The following WNT7A variants were observed in gnomAD, a reference collection of about 807,000 sequenced individuals.
The protein encoded by WNT7A is Wnt family member 7A, also known as protein Wnt-7a.
Under a neutral mutation model 28.2 loss-of-function variants are expected in WNT7A, and 16 were observed. The ratio of observed to expected loss-of-function variants is 0.57; its 90% confidence interval spans 0.38 to 0.86. WNT7A has a LOEUF of 0.86. Ranked by LOEUF, WNT7A falls within the 40% of genes least tolerant of loss-of-function variation. The pLI is 0.00. For synonymous variants in WNT7A, 190 were observed against 195.9 expected, an observed-to-expected ratio of 0.97 and a Z score of 0.25; for missense variants, 411 against 489.7, an observed-to-expected ratio of 0.84 and a Z score of 1.52.
At chr3:13,838,709 G>C (rs922304075) in intron 3 of WNT7A, among the ~76,000 whole-genome samples, 1 of 152,206 alleles carries the variant, frequency 6.6e-6, no homozygotes, top group Admixed American at 6.5e-5. Context: ...TAGGGACCCA[G>C]AGAGTAAAGC....
At chr3:13,867,406 G>C (rs559852095) in intron 2 of WNT7A, among the ~76,000 whole-genome samples, 65 of 152,104 alleles carry the variant, frequency 4.3e-4, no homozygotes, top group Non-Finnish European at 7.4e-4. Context: ...CTCTAGCAAG[G>C]GGGGACTCAC....
intron 2 of WNT7A, among the ~76,000 whole-genome samples, chr3:13,858,580 C>T (rs1223555124): frequency 6.6e-6 from 1 of 152,174 alleles, no homozygotes. Flanking sequence ...CCCCCCCGAG[C>T]TCCAGATGGA....
rs1694068443 is a variant in WNT7A, at chr3:13,819,141, C to T, written c.853G>A (p.Gly285Ser). Residue 285 changes from glycine to serine, a missense_variant, in exon 4 of 4, where the codon GGC becomes AGC. Physicochemically the swap from Gly to Ser is moderately conservative, Grantham distance 56 (BLOSUM62 0). Coordinates refer to ENST00000285018, the MANE Select transcript of WNT7A (RefSeq NM_004625.4). Reference protein sequence around the residue: ...PNYCEEDPVTGSVGTQGRACN... With the variant: ...PNYCEEDPVTSSVGTQGRACN... Reference sequence around the variant, plus strand: ...GCGCGGCCCTGGGTGCCCACACTGCCGGTCACCGGGTCCTCCTCGCAGTAG... The same window carrying T: ...GCGCGGCCCTGGGTGCCCACACTGCTGGTCACCGGGTCCTCCTCGCAGTAG... 6.2e-7 allele frequency: 1 copy of T among 1,614,196 alleles called. No homozygotes were observed. The highest frequency in any genetic ancestry group is 1.3e-5 in the African/African-American group (1 of 75,052).
rs371805038 is a variant in WNT7A, at chr3:13,875,718, G to GA, written c.72-546dup. On this transcript the variant is annotated intron_variant, in intron 1 of 3. Coordinates refer to ENST00000285018, the MANE Select transcript of WNT7A (RefSeq NM_004625.4). ...CATGTATGTATATGTTTTATTGTTG[G>GA]AAAAAAAACTTAAAAAGTAATTGTA... Among the ~76,000 whole-genome samples, 165 of 151,830 alleles carry GA rather than the reference G, an allele frequency of 1.1e-3. 2 individuals are homozygous for GA. The highest frequency in any genetic ancestry group is 7.9e-3 in the East Asian group (41 of 5,166).
chr3:13,820,421 C>G (rs746240291), intron 3 of WNT7A, among the ~76,000 whole-genome samples: 4 of 150,444 alleles, frequency 2.7e-5, no homozygotes, highest in South Asian at 4.2e-4. Flanking sequence ...AAAAAAAAAG[C>G]CTTGAGGCTA....
rs1202552695 is a variant in WNT7A at position 13,816,487 on chromosome 3, AC to A, written c.*2456del. On this transcript the variant is annotated 3_prime_UTR_variant, in exon 4 of 4. Coordinates refer to ENST00000285018, the MANE Select transcript of WNT7A (RefSeq NM_004625.4). The stretch of plus-strand genomic sequence containing the variant: ...ACTGTGTTTATGTAACTATCATTGA[AC>A]ACTCATCTGGGGAGGCTGGTCAGAA... The A allele has an allele frequency of 6.6e-6, 1 of 152,382 alleles. No individual in the cohort carries two copies. The highest frequency in any genetic ancestry group is 6.5e-5 in the Admixed American group (1 of 15,272). The allele number at this position is 152,382 out of a possible 1,614,324, so 9.4% of individuals were successfully genotyped here.
rs936656435 is a variant in WNT7A, at chr3:13,817,405, G to T, written c.*1539C>A. On this transcript the variant is annotated 3_prime_UTR_variant, in exon 4 of 4. Coordinates refer to ENST00000285018, the MANE Select transcript of WNT7A (RefSeq NM_004625.4). ...CGCAAAGTCACGTGACTACACTCAA[G>T]TCCCTAAGAAGATACAGTACACACA... 6.7e-6 allele frequency: 1 copy of T among 148,368 alleles called. No homozygotes were observed. Among genetic ancestry groups the T allele is most frequent in the Non-Finnish European group, 1.5e-5 (1 of 67,730 alleles). 9.2% of individuals were successfully genotyped at this position (148,368 alleles called of 1,614,324 possible).
chr3:13,830,616 G>A (rs530255159), intron 3 of WNT7A, among the ~76,000 whole-genome samples: 1 of 152,156 alleles, frequency 6.6e-6, no homozygotes, highest in East Asian at 1.9e-4. Flanking sequence ...GAAGATACAG[G>A]CAGGACTTTT....
At chr3:13,879,638 A>G in intron 1 of WNT7A, 108 bp downstream of exon 1, 1 of 1,271,992 alleles carries the variant, frequency 7.9e-7, no homozygotes, top group Non-Finnish European at 1.1e-6. Context: ...GGCCTCTCAG[A>G]GAAGCTGTGG....
chr3:13,834,493 G>T (rs2124839073), intron 3 of WNT7A, among the ~76,000 whole-genome samples: 1 of 152,098 alleles, frequency 6.6e-6, no homozygotes, highest in East Asian at 1.9e-4. Flanking sequence ...CTTTCCCTCT[G>T]TCCTCCAGGC....
At chr3:13,829,012 C>T (rs571663338) in intron 3 of WNT7A, among the ~76,000 whole-genome samples, 18 of 152,310 alleles carry the variant, frequency 1.2e-4, no homozygotes, top group South Asian at 2.1e-4. Flanking sequence ...TGGCCTACCT[C>T]TGACCACGGA....
chr3:13,840,451 A>G (rs1694437858), intron 3 of WNT7A, among the ~76,000 whole-genome samples: 1 of 152,224 alleles, frequency 6.6e-6, no homozygotes, highest in African/African-American at 2.4e-5. Context: ...TATTTGTTGA[A>G]TGAATGAATG....
At chr3:13,825,388 C>T (rs1215796503) in intron 3 of WNT7A, among the ~76,000 whole-genome samples, 1 of 152,156 alleles carries the variant, frequency 6.6e-6, no homozygotes, top group Non-Finnish European at 1.5e-5. Context: ...AGCATTCCCC[C>T]AGGCCAATTG....
At chr3:13,845,813 A>T (rs2124849612) in intron 3 of WNT7A, among the ~76,000 whole-genome samples, 1 of 152,356 alleles carries the variant, frequency 6.6e-6, no homozygotes, top group Middle Eastern at 3.4e-3. Context: ...TGCCAGGCCC[A>T]GGCTGGGCTC....
chr3:13,862,012 A>T (rs535823920), intron 2 of WNT7A, among the ~76,000 whole-genome samples: 43 of 152,288 alleles, frequency 2.8e-4, no homozygotes, highest in African/African-American at 9.9e-4. Flanking sequence ...CTCAGATAAG[A>T]CAAAACCCGT....
intron 3 of WNT7A, among the ~76,000 whole-genome samples, chr3:13,850,507 C>T (rs1694613042): frequency 6.6e-6 from 1 of 152,172 alleles, no homozygotes; most frequent in Non-Finnish European, 1.5e-5. Flanking sequence ...TGGGCAGGGA[C>T]TGGGAGGTGA....
At chr3:13,857,792 AG>A in intron 2 of WNT7A, among the ~76,000 whole-genome samples, 1 of 152,296 alleles carries the variant, frequency 6.6e-6, no homozygotes, top group South Asian at 2.1e-4. Context: ...AATCAGATGG[AG>A]GGCAGGGAAG....
chr3:13,837,050 G>T (rs538800836), intron 3 of WNT7A, among the ~76,000 whole-genome samples: 3 of 152,234 alleles, frequency 2.0e-5, no homozygotes, highest in Non-Finnish European at 4.4e-5. Context: ...CATTACTGGG[G>T]GTGTCTGGTT....
intron 3 of WNT7A, among the ~76,000 whole-genome samples, chr3:13,832,622 G>C (rs915566688): frequency 1.3e-5 from 2 of 151,714 alleles, no homozygotes; most frequent in African/African-American, 4.8e-5. Flanking sequence ...TATACCTCTG[G>C]GCGACTCAGA....
Sources: gnomAD v4.1 joint callset for allele counts (sites outside exome capture counted in the v4.1 genomes callset) on GRCh38, gnomAD v4.1.1 for gene constraint, MANE v1.5 for transcripts, NCBI Gene and HGNC (gene_info 2026-07-23, HGNC 2026-07-21) for gene names.